CACNA2D1: variants seen among roughly 807,000 people sequenced by gnomAD.
CACNA2D1 encodes calcium voltage-gated channel auxiliary subunit alpha2delta 1, also known as voltage-dependent calcium channel subunit alpha-2/delta-1.
In CACNA2D1, 53 loss-of-function variants were observed where a neutral mutation model predicts 171.5. The observed-to-expected ratio is 0.31, with a 90% CI of 0.25 to 0.39. The LOEUF is 0.39. Ranked by LOEUF, CACNA2D1 falls within the 10% of genes least tolerant of loss-of-function variation. The probability of loss-of-function intolerance (pLI) is 1.00; values close to 1 mark genes in which losing one functional copy is unlikely to be tolerated. For missense variants in CACNA2D1, 903 were observed against 1,299.8 expected (o/e 0.69, Z 4.69); for synonymous variants, 442 against 443.1 (o/e 1.00, Z 0.03).
intron 3 of CACNA2D1, among the ~76,000 whole-genome samples, chr7:82,205,128 C>T (rs978133727): frequency 2.0e-5 from 3 of 152,170 alleles, no homozygotes; most frequent in African/African-American, 7.2e-5. Context: ...TCAAAACTCC[C>T]TATGATTCCC....
intron 3 of CACNA2D1, among the ~76,000 whole-genome samples, chr7:82,229,493 T>C (rs1802679885): frequency 6.6e-6 from 1 of 151,958 alleles, no homozygotes; most frequent in Non-Finnish European, 1.5e-5. Context: ...CCAATTTTAT[T>C]ATTTCTTATT....
intron 1 of CACNA2D1, among the ~76,000 whole-genome samples, chr7:82,376,297 A>G (rs930647348): frequency 6.6e-6 from 1 of 152,208 alleles, no homozygotes; most frequent in African/African-American, 2.4e-5. Context: ...CACAGCACCA[A>G]TCATACATTT....
intron 3 of CACNA2D1, among the ~76,000 whole-genome samples, chr7:82,323,328 A>C (rs1816232314): frequency 6.6e-6 from 1 of 151,932 alleles, no homozygotes; most frequent in Non-Finnish European, 1.5e-5. Flanking sequence ...CTTTGGGATT[A>C]TCTTTCAACA....
At chr7:82,285,724 G>C (rs1205401155) in intron 3 of CACNA2D1, among the ~76,000 whole-genome samples, 1 of 152,064 alleles carries the variant, frequency 6.6e-6, no homozygotes, top group African/African-American at 2.4e-5. Context: ...TGGAACATAT[G>C]GTTACCCTAA....
chr7:82,133,397 G>T (rs930980009), intron 5 of CACNA2D1, among the ~76,000 whole-genome samples: 3 of 152,112 alleles, frequency 2.0e-5, no homozygotes, highest in African/African-American at 7.2e-5. Flanking sequence ...TCAAAACAGT[G>T]AAAAACTATT....
chr7:82,161,511 T>C (rs1794945027), intron 4 of CACNA2D1, among the ~76,000 whole-genome samples: 3 of 152,034 alleles, frequency 2.0e-5, no homozygotes, highest in Admixed American at 6.6e-5. Flanking sequence ...GAATGCTTGC[T>C]TGGTAAATTT....
intron 10 of CACNA2D1, among the ~76,000 whole-genome samples, chr7:82,054,238 A>G (rs1805542748): frequency 6.6e-6 from 1 of 152,180 alleles, no homozygotes; most frequent in South Asian, 2.1e-4. Context: ...TGATAGCATT[A>G]TTCAGTTTCT....
intron 6 of CACNA2D1, among the ~76,000 whole-genome samples, chr7:82,113,852 A>C (rs762294941): frequency 7.9e-5 from 12 of 152,178 alleles, no homozygotes; most frequent in Non-Finnish European, 1.6e-4. Flanking sequence ...TGAATTTTAA[A>C]GGAGTACAGG....
intron 3 of CACNA2D1, among the ~76,000 whole-genome samples, chr7:82,307,521 AT>A (rs1813896618): frequency 6.7e-6 from 1 of 150,294 alleles, no homozygotes; most frequent in South Asian, 2.1e-4. Flanking sequence ...AAATAATTAT[AT>A]AATTTATAAA....
intron 3 of CACNA2D1, among the ~76,000 whole-genome samples, chr7:82,312,012 C>T (rs1185992884): frequency 1.3e-5 from 2 of 152,120 alleles, no homozygotes. Flanking sequence ...ATTATAGACA[C>T]AGTCTTTGGC....
intron 1 of CACNA2D1, among the ~76,000 whole-genome samples, chr7:82,432,405 C>A (rs1829761175): frequency 6.6e-6 from 1 of 152,288 alleles, no homozygotes; most frequent in African/African-American, 2.4e-5. Flanking sequence ...AACTCAGGAA[C>A]TGCCGTGATG....
intron 1 of CACNA2D1, among the ~76,000 whole-genome samples, chr7:82,401,595 T>C (rs1201046620): frequency 1.3e-5 from 2 of 149,032 alleles, no homozygotes; most frequent in South Asian, 2.2e-4. Context: ...TTAGGAGATA[T>C]ACCTAATGCT....
At chr7:82,332,784 G>T (rs1817531020) in intron 3 of CACNA2D1, among the ~76,000 whole-genome samples, 1 of 152,190 alleles carries the variant, frequency 6.6e-6, no homozygotes, top group Admixed American at 6.5e-5. Context: ...AGGATCACTT[G>T]AGCCCAGTAG....
intron 10 of CACNA2D1, among the ~76,000 whole-genome samples, chr7:82,060,167 T>TATATATATATTATATATATA (rs1806504892): frequency 7.9e-5 from 1 of 12,622 alleles, no homozygotes; most frequent in Non-Finnish European, 2.1e-4. Context: ...ATATATATAA[T>TATATATATATTATATATATA]ATATATATAT....
At chr7:81,973,543 T>C (rs1795515848) in intron 25 of CACNA2D1, among the ~76,000 whole-genome samples, 1 of 150,820 alleles carries the variant, frequency 6.6e-6, no homozygotes, top group Non-Finnish European at 1.5e-5. Flanking sequence ...AGATAAATAA[T>C]TGAAAAACAA....
intron 2 of CACNA2D1, among the ~76,000 whole-genome samples, chr7:82,342,704 G>T (rs1042564151): frequency 6.6e-6 from 1 of 152,156 alleles, no homozygotes; most frequent in African/African-American, 2.4e-5. Context: ...CACATAGGAT[G>T]CAATAGTCAC....
At chr7:82,203,695 G>C (rs900928232) in intron 3 of CACNA2D1, among the ~76,000 whole-genome samples, 1 of 152,214 alleles carries the variant, frequency 6.6e-6, no homozygotes, top group Non-Finnish European at 1.5e-5. Context: ...CGCATGGAGT[G>C]CTTGAGAACA....
chr7:82,018,751 G>A (rs989385416), intron 12 of CACNA2D1, among the ~76,000 whole-genome samples: 2 of 152,086 alleles, frequency 1.3e-5, no homozygotes, highest in African/African-American at 4.8e-5. Context: ...GAGAGGCTGA[G>A]GTGGGTGGAT....
At chr7:82,147,715 A>G (rs1474571175) in intron 4 of CACNA2D1, among the ~76,000 whole-genome samples, 1 of 152,186 alleles carries the variant, frequency 6.6e-6, no homozygotes, top group African/African-American at 2.4e-5. Context: ...ATTAATCATT[A>G]TCAACTCCAG....
Sources: gnomAD v4.1 joint callset for allele counts (sites outside exome capture counted in the v4.1 genomes callset) on GRCh38, gnomAD v4.1.1 for gene constraint, MANE v1.5 for transcripts, NCBI Gene and HGNC (gene_info 2026-07-23, HGNC 2026-07-21) for gene names.